The following REEP3 variants were observed in gnomAD, a reference collection of about 807,000 sequenced individuals.
The protein encoded by REEP3 is receptor expression-enhancing protein 3.
REEP3 carries 20 observed loss-of-function variants against 41.3 expected under a neutral mutation model. The ratio of observed to expected loss-of-function variants is 0.48; its 90% CI spans 0.34 to 0.70. The LOEUF is 0.70. Among genes scored for constraint, REEP3 ranks in the 30% least tolerant of loss-of-function variants. The pLI, the probability that REEP3 is intolerant of heterozygous loss-of-function variation, is 0.01. For missense variants in REEP3, 271 were observed against 308.8 expected (o/e 0.88, Z 0.92); for synonymous variants, 104 against 101.8 (o/e 1.02, Z -0.13).
chr10:63,568,758 C>T (rs4746204), intron 2 of REEP3, among the ~76,000 whole-genome samples: 69,502 of 149,422 alleles, frequency 0.47, 16,417 homozygotes, highest in Middle Eastern at 0.56. Context: ...TGGGCTCAAG[C>T]GATCCTCCTA....
At chr10:63,556,629 G>GTTTTTTTTTTTTTTTTTTTTTTTT (rs1564477633) in intron 1 of REEP3, among the ~76,000 whole-genome samples, 1 of 13,398 alleles carries the variant, frequency 7.5e-5, no homozygotes, top group African/African-American at 1.8e-4. Context: ...TTTTTTTGTT[G>GTTTTTTTTTTTTTTTTTTTTTTTT]TTTTGTTTTT....
At chr10:63,562,200 G>A (rs1486396704) in intron 1 of REEP3, among the ~76,000 whole-genome samples, 1 of 152,102 alleles carries the variant, frequency 6.6e-6, no homozygotes. Flanking sequence ...CAGAGCCTGG[G>A]GGTTGGCAGT....
chr10:63,558,002 CAT>C (rs1325825878), intron 1 of REEP3, among the ~76,000 whole-genome samples: 1 of 152,130 alleles, frequency 6.6e-6, no homozygotes, highest in African/African-American at 2.4e-5. Context: ...GTAAATCTCT[CAT>C]ATGAAATTTC....
chr10:63,576,005 T>C (rs1955895822), intron 2 of REEP3, among the ~76,000 whole-genome samples: 1 of 152,254 alleles, frequency 6.6e-6, no homozygotes, highest in Non-Finnish European at 1.5e-5. Context: ...AGTGCTGGGA[T>C]TACAGGTGTG....
At chr10:63,555,199 A>G (rs1955666695) in intron 1 of REEP3, among the ~76,000 whole-genome samples, 3 of 152,082 alleles carry the variant, frequency 2.0e-5, no homozygotes, top group Non-Finnish European at 4.4e-5. Context: ...TCTCTCCTTC[A>G]TGGTTTTAAA....
intron 1 of REEP3, among the ~76,000 whole-genome samples, chr10:63,538,399 A>G (rs1215616319): frequency 6.6e-6 from 1 of 152,218 alleles, no homozygotes; most frequent in Non-Finnish European, 1.5e-5. Context: ...CTTGATGTGC[A>G]GCTCTGATTC....
intron 1 of REEP3, among the ~76,000 whole-genome samples, chr10:63,560,698 A>C (rs1047326066): frequency 2.0e-5 from 3 of 152,204 alleles, no homozygotes; most frequent in African/African-American, 7.2e-5. Context: ...AACAATATTC[A>C]ATGTAAGTGA....
chr10:63,603,890 G>C (rs573477466), intron 5 of REEP3, among the ~76,000 whole-genome samples: 2 of 152,340 alleles, frequency 1.3e-5, no homozygotes, highest in South Asian at 4.1e-4. Context: ...CAAGGGCATT[G>C]TCATAGAAGA....
intron 2 of REEP3, among the ~76,000 whole-genome samples, chr10:63,583,569 TCG>T (rs1395522688): frequency 6.6e-6 from 1 of 151,848 alleles, no homozygotes; most frequent in African/African-American, 2.4e-5. Context: ...CCAGATGGAG[TCG>T]ACTGTGTGAA....
chr10:63,528,917 G>A (rs1316280608), intron 1 of REEP3, among the ~76,000 whole-genome samples: 1 of 152,168 alleles, frequency 6.6e-6, no homozygotes, highest in Non-Finnish European at 1.5e-5. Flanking sequence ...GTAGTATTTG[G>A]TACTTCACTT....
At chr10:63,589,785 CTTTTTT>C (rs59658061) in intron 2 of REEP3, among the ~76,000 whole-genome samples, 96 of 80,828 alleles carry the variant, frequency 1.2e-3, no homozygotes, top group African/African-American at 2.4e-3. Flanking sequence ...AGCAGAACAT[CTTTTTT>C]TTTTTTTTTT....
At chr10:63,523,837 A>G (rs1955329452) in intron 1 of REEP3, among the ~76,000 whole-genome samples, 1 of 152,134 alleles carries the variant, frequency 6.6e-6, no homozygotes, top group Non-Finnish European at 1.5e-5. Flanking sequence ...GAAGGGGTAA[A>G]TGTTATAAGG....
intron 2 of REEP3, among the ~76,000 whole-genome samples, chr10:63,581,643 T>C (rs944973859): frequency 6.6e-6 from 1 of 151,874 alleles, no homozygotes; most frequent in African/African-American, 2.4e-5. Context: ...CTCAGGAGGC[T>C]GAGGGAGGAA....
At chr10:63,596,348 T>A (rs1009410209) in intron 3 of REEP3, among the ~76,000 whole-genome samples, 8 of 152,058 alleles carry the variant, frequency 5.3e-5, no homozygotes, top group Admixed American at 4.6e-4. Flanking sequence ...TTCCAAGTTC[T>A]CTTTTTAAGA....
chr10:63,547,472 G>T (rs1955590189), intron 1 of REEP3, among the ~76,000 whole-genome samples: 1 of 152,104 alleles, frequency 6.6e-6, no homozygotes, highest in South Asian at 2.1e-4. Context: ...AAAAGGGGTG[G>T]GGTGCATGCA....
chr10:63,548,158 C>T (rs1955595807), intron 1 of REEP3, among the ~76,000 whole-genome samples: 1 of 152,156 alleles, frequency 6.6e-6, no homozygotes, highest in Non-Finnish European at 1.5e-5. Flanking sequence ...GTTTAGAATG[C>T]TCCAATGAGC....
chr10:63,586,683 T>C (rs1956010001), intron 2 of REEP3, among the ~76,000 whole-genome samples: 1 of 152,286 alleles, frequency 6.6e-6, no homozygotes, highest in Admixed American at 6.5e-5. Flanking sequence ...ATTCGTTCTT[T>C]TTTTAAAAAA....
intron 2 of REEP3, among the ~76,000 whole-genome samples, chr10:63,577,077 A>C (rs1198609664): frequency 1.3e-5 from 2 of 152,184 alleles, no homozygotes; most frequent in Non-Finnish European, 2.9e-5. Context: ...GAAAGTTATC[A>C]ATGTCTATAT....
chr10:63,586,669 G>T (rs968322681), intron 2 of REEP3, among the ~76,000 whole-genome samples: 3 of 152,070 alleles, frequency 2.0e-5, no homozygotes, highest in African/African-American at 7.2e-5. Context: ...AGTTAACCCA[G>T]TTCATTCGTT....
Sources: gnomAD v4.1 joint callset for allele counts (sites outside exome capture counted in the v4.1 genomes callset) on GRCh38, gnomAD v4.1.1 for gene constraint, MANE v1.5 for transcripts, NCBI Gene and HGNC (gene_info 2026-07-23, HGNC 2026-07-21) for gene names.